Variants in CCDC88C observed in about 807,000 individuals in gnomAD.
CCDC88C encodes the protein protein Daple.
Under a neutral mutation model 198.8 loss-of-function variants are expected in CCDC88C, and 131 were observed. The observed-to-expected ratio is 0.66, with a 90% CI of 0.57 to 0.76. The LOEUF (loss-of-function observed/expected upper bound fraction) is 0.76. Among genes scored for constraint, CCDC88C ranks in the 30% least tolerant of loss-of-function variants. The pLI, the probability that CCDC88C is intolerant of heterozygous loss-of-function variation, is 0.00. For missense variants in CCDC88C, 2,553 were observed against 2,631.6 expected (o/e 0.97, Z 0.65); for synonymous variants, 1,166 against 1,114.7 (o/e 1.05, Z -0.92).
intron 4 of CCDC88C, among the ~76,000 whole-genome samples, chr14:91,356,312 A>G (rs1043854432): frequency 1.3e-5 from 2 of 152,116 alleles, no homozygotes; most frequent in African/African-American, 4.8e-5. Context: ...CCCGTCCCCC[A>G]GCCCTGACAC....
intron 3 of CCDC88C, among the ~76,000 whole-genome samples, chr14:91,402,542 G>A (rs753197592): frequency 3.8e-4 from 58 of 152,084 alleles, no homozygotes; most frequent in African/African-American, 9.2e-4. Context: ...GTGCACACAC[G>A]CATATATATA....
At chr14:91,290,471 G>C (rs1403570408) in intron 24 of CCDC88C, among the ~76,000 whole-genome samples, 2 of 152,338 alleles carry the variant, frequency 1.3e-5, no homozygotes, top group Admixed American at 1.3e-4. Context: ...GCACTGCTAG[G>C]GTGGGCCAGC....
chr14:91,325,868 C>T lies in CCDC88C; in HGVS notation c.1197+42G>A. On this transcript the variant is annotated intron_variant, in intron 11 of 29. Coordinates refer to ENST00000389857, the MANE Select transcript of CCDC88C (RefSeq NM_001080414.4). The surrounding 1 kb of genome is among the most constrained non-coding windows in gnomAD (Gnocchi z 4.1). ...ACAGGCATGAGCCACTGTGCCCGAGCCCAATCTGTTTTCAATGTAGTAACA... is the reference window on the plus strand; with the variant it reads ...ACAGGCATGAGCCACTGTGCCCGAGTCCAATCTGTTTTCAATGTAGTAACA... The T allele has an allele frequency of 6.5e-7, 1 of 1,535,674 alleles. No individual in the cohort carries two copies. Among genetic ancestry groups the T allele is most frequent in the South Asian group, 1.2e-5 (1 of 83,030 alleles).
rs555468632 is a variant in CCDC88C at position 91,369,421 on chromosome 14, G to A, written c.271-9710C>T. Among the ~76,000 whole-genome samples the A allele has an allele frequency of 3.0e-4, 45 of 152,294 alleles. No individual in the cohort carries two copies. The East Asian group carries it at 8.3e-3, about 28-fold the overall frequency. ...GGGTTTCATCATGTTGGCCAGGCTG[G>A]TCTTGAACTCCTGACCTCAGGTGAT... is the stretch of plus-strand genomic sequence containing the variant. On this transcript the variant is annotated intron_variant, in intron 3 of 29. Coordinates refer to ENST00000389857, the MANE Select transcript of CCDC88C (RefSeq NM_001080414.4).
At chr14:91,340,571 C>T (rs542906094) in intron 6 of CCDC88C, among the ~76,000 whole-genome samples, 2 of 152,090 alleles carry the variant, frequency 1.3e-5, no homozygotes, top group South Asian at 4.2e-4. Flanking sequence ...GGCCAGGGAA[C>T]GGAGATACAC....
rs1380712156 is a variant in CCDC88C at position 91,411,364 on chromosome 14, C to G, written c.162-2597G>C. Among the ~76,000 whole-genome samples the G allele has an allele frequency of 4.6e-5, 7 of 152,190 alleles. No homozygotes were observed. In the East Asian group the frequency reaches 1.3e-3, roughly 29 times the overall value. ...ATGGCTACAGGATCCTTCCGGCCTT[C>G]AAAGTCTATATGGTTCCATGAAGCC... On this transcript the variant is annotated intron_variant, in intron 2 of 29. Coordinates refer to ENST00000389857, the MANE Select transcript of CCDC88C (RefSeq NM_001080414.4).
chr14:91,415,635 G>A (rs1349881426), intron 2 of CCDC88C, among the ~76,000 whole-genome samples: 4 of 151,766 alleles, frequency 2.6e-5, no homozygotes, highest in South Asian at 4.2e-4. Flanking sequence ...TAGGATAATC[G>A]CTTGAACCCG....
intron 10 of CCDC88C, among the ~76,000 whole-genome samples, chr14:91,332,868 T>A (rs34708410): frequency 0.087 from 13,189 of 152,244 alleles, 724 homozygotes; most frequent in Admixed American, 0.16. Flanking sequence ...AGCAGTCAAG[T>A]AAGACAGTCC....
intron 4 of CCDC88C, among the ~76,000 whole-genome samples, chr14:91,354,988 C>CA (rs1893979170): frequency 6.6e-6 from 1 of 152,204 alleles, no homozygotes; most frequent in South Asian, 2.1e-4. Flanking sequence ...CAGGGGCTCA[C>CA]AGGAGGTGTT....
chr14:91,409,508 G>A (rs2140015149), intron 2 of CCDC88C, among the ~76,000 whole-genome samples: 1 of 127,976 alleles, frequency 7.8e-6, no homozygotes, highest in Non-Finnish European at 1.6e-5. Context: ...TTTTTTTTGA[G>A]ACGGAGTCTT....
Position 91,283,333 on chromosome 14 carries a change from G to A in CCDC88C, c.4626C>T (p.Thr1542=), listed in dbSNP as rs1890277882. 6.2e-7 allele frequency: 1 copy of A among 1,613,052 alleles called. No individual in the cohort carries two copies. The highest frequency in any genetic ancestry group is 8.5e-7 in the Non-Finnish European group (1 of 1,179,730). ...STPIARHPGR[T]KGYNSDDNLC... Reference sequence around the variant, plus strand: ...CTGGAAGGGCCTGTGACTCACCTTTGGTGCGGCCTGGGTGCCGGGCGATGG... The same window carrying A: ...CTGGAAGGGCCTGTGACTCACCTTTAGTGCGGCCTGGGTGCCGGGCGATGG... The change falls in exon 26 of 30, where the codon ACC becomes ACT. Residue 1542 remains threonine (T), a synonymous_variant. Coordinates refer to ENST00000389857, the MANE Select transcript of CCDC88C (RefSeq NM_001080414.4).
rs1233130548 is a variant in CCDC88C, at chr14:91,314,129, T to C, written c.1687A>G (p.Lys563Glu). The C allele has an allele frequency of 1.2e-6, 2 of 1,611,802 alleles. No individual in the cohort carries two copies. Among genetic ancestry groups the C allele is most frequent in the Admixed American group, 1.7e-5 (1 of 59,942 alleles). Residue 563 changes from lysine to glutamate, a missense_variant, in exon 15 of 30, where the codon AAG (lysine) becomes GAG (glutamate). Around this residue, in one of 2 missense-constraint regions of CCDC88C, gnomAD observed 1,260 missense variants for 1,412.0 expected, o/e 0.89. Coordinates refer to ENST00000389857, the MANE Select transcript of CCDC88C (RefSeq NM_001080414.4). Reference protein sequence around the residue: ...ARQIKDLEQEKDHLNRAMWSL... With the variant: ...ARQIKDLEQEEDHLNRAMWSL... ...CACATGGCTCGGTTGAGGTGGTCCTTTTCCTGCTCAAGGTCCTTGATCTAC... is the reference window on the plus strand; with the variant it reads ...CACATGGCTCGGTTGAGGTGGTCCTCTTCCTGCTCAAGGTCCTTGATCTAC...
intron 3 of CCDC88C, among the ~76,000 whole-genome samples, chr14:91,366,201 CAG>C (rs1228349108): frequency 2.1e-5 from 3 of 142,952 alleles, no homozygotes; most frequent in South Asian, 2.2e-4. Context: ...CACACACACA[CAG>C]GGCTGGGCAT....
chr14:91,364,876 G>A (rs1894460955), intron 3 of CCDC88C, among the ~76,000 whole-genome samples: 1 of 152,158 alleles, frequency 6.6e-6, no homozygotes, highest in Non-Finnish European at 1.5e-5. Flanking sequence ...AACCTGCTGG[G>A]GACAAACATC....
rs1365294981 is a variant in CCDC88C, at chr14:91,397,323, T to G, written c.270+11336A>C. On this transcript the variant is annotated intron_variant, in intron 3 of 29. Coordinates refer to ENST00000389857, the MANE Select transcript of CCDC88C (RefSeq NM_001080414.4). Reference sequence around the variant, plus strand: ...AGCAAGACTCCTGAGCCAAACCTCCTTCCCGCAAAGGCTGAGGAAATGATG... The same window carrying G: ...AGCAAGACTCCTGAGCCAAACCTCCGTCCCGCAAAGGCTGAGGAAATGATG... Among the ~76,000 whole-genome samples, 7 of 152,164 alleles carry G rather than the reference T, an allele frequency of 4.6e-5. 1 individual carries two copies. Among genetic ancestry groups the G allele is most frequent in the Non-Finnish European group, 1.0e-4 (7 of 68,034 alleles).
At chr14:91,376,485 G>A (rs1884422517) in intron 3 of CCDC88C, among the ~76,000 whole-genome samples, 1 of 152,238 alleles carries the variant, frequency 6.6e-6, no homozygotes, top group Non-Finnish European at 1.5e-5. Flanking sequence ...TCAAGGTAGT[G>A]AGGGACTTTT....
At chr14:91,404,332 G>A (rs1301553419) in intron 3 of CCDC88C, among the ~76,000 whole-genome samples, 1 of 152,148 alleles carries the variant, frequency 6.6e-6, no homozygotes, top group Non-Finnish European at 1.5e-5. Flanking sequence ...GCGGTGAGAC[G>A]TGAATCTGGT....
At chr14:91,324,478 G>A (rs1469218721) in intron 12 of CCDC88C, among the ~76,000 whole-genome samples, 1 of 152,266 alleles carries the variant, frequency 6.6e-6, no homozygotes, top group African/African-American at 2.4e-5. Context: ...GATGGCCTCA[G>A]AGAGCCTCTG....
At chr14:91,278,916 T>TC (rs1555414153) in intron 28 of CCDC88C, among the ~76,000 whole-genome samples, 6 of 144,688 alleles carry the variant, frequency 4.1e-5, no homozygotes, top group Admixed American at 2.1e-4. Flanking sequence ...TTTTTTTTTT[T>TC]CTGAGATAGG....
Sources: allele counts gnomAD v4.1 joint callset (sites outside exome capture counted in the v4.1 genomes callset), GRCh38; gene constraint gnomAD v4.1.1; regional missense constraint gnomAD v4.1.1; non-coding constraint Gnocchi (gnomAD v3.1); transcripts MANE v1.5; gene names NCBI Gene and HGNC (gene_info 2026-07-23, HGNC 2026-07-21).